CDK5RAP2: variants seen among roughly 807,000 people sequenced by gnomAD.
CDK5RAP2 encodes the protein CDK5 regulatory subunit-associated protein 2.
A neutral mutation model predicts 232.9 loss-of-function variants in CDK5RAP2; 147 were observed. The ratio of observed to expected loss-of-function variants is 0.63; its 90% CI spans 0.55 to 0.72. The LOEUF is 0.72. Ranked by LOEUF, CDK5RAP2 falls within the 30% of genes least tolerant of loss-of-function variation. The probability of loss-of-function intolerance (pLI) is 0.00; values close to 1 mark genes in which losing one functional copy is unlikely to be tolerated. For synonymous variants in CDK5RAP2, 833 were observed against 833.7 expected, an observed-to-expected ratio of 1.00 and a Z score of 0.01; for missense variants, 2,195 against 2,231.5, an observed-to-expected ratio of 0.98 and a Z score of 0.33.
At chr9:120,466,457 C>G (rs1245626216) in intron 18 of CDK5RAP2, among the ~76,000 whole-genome samples, 1 of 152,134 alleles carries the variant, frequency 6.6e-6, no homozygotes, top group East Asian at 1.9e-4. Context: ...ATAAAAGACT[C>G]AACAAATCTC....
At chr9:120,486,570 C>A (rs1247029298) in intron 14 of CDK5RAP2, among the ~76,000 whole-genome samples, 3 of 152,124 alleles carry the variant, frequency 2.0e-5, no homozygotes, top group African/African-American at 4.8e-5. Context: ...TTCCCTACCC[C>A]AGAAGTGCCT....
chr9:120,558,437 C>G (rs2042327440), intron 3 of CDK5RAP2, among the ~76,000 whole-genome samples: 1 of 150,012 alleles, frequency 6.7e-6, no homozygotes, highest in East Asian at 1.9e-4. Context: ...ACAAGAGCCC[C>G]CTTAGACTTC....
At chr9:120,564,447 GCCACT>G (rs1416252142) in intron 3 of CDK5RAP2, among the ~76,000 whole-genome samples, 1 of 144,088 alleles carries the variant, frequency 6.9e-6, no homozygotes, top group East Asian at 2.1e-4. Flanking sequence ...CCGAGATCGT[GCCACT>G]CCACTCCAGC....
chr9:120,510,554 C>T (rs549458469), intron 12 of CDK5RAP2, among the ~76,000 whole-genome samples: 1 of 152,274 alleles, frequency 6.6e-6, no homozygotes, highest in African/African-American at 2.4e-5. Flanking sequence ...TCACCAAACA[C>T]ACACATTCAT....
rs1197886998 is a variant in CDK5RAP2 at position 120,403,808 on chromosome 9, A to C, written c.5041+228T>G. Reference sequence around the variant, plus strand: ...CCTCACAAAGGTGGTCACAATTTTAATCTAAGGCAAGAGGGACCCAATGAT... The same window carrying C: ...CCTCACAAAGGTGGTCACAATTTTACTCTAAGGCAAGAGGGACCCAATGAT... On this transcript the variant is annotated intron_variant, in intron 33 of 37. Transcript: ENST00000349780. The surrounding 1 kb of genome is among the most constrained non-coding windows in gnomAD (Gnocchi z 4.2). The C allele has an allele frequency of 1.1e-5, 6 of 570,594 alleles. No homozygotes were observed. In the East Asian group the frequency reaches 1.8e-4, roughly 17 times the overall value. 35.3% of individuals were successfully genotyped at this position (570,594 alleles called of 1,614,324 possible).
Position 120,415,174 on chromosome 9 carries a change from C to A in CDK5RAP2, c.4178-15G>T. The A allele has an allele frequency of 6.2e-7, 1 of 1,613,514 alleles. No homozygotes were observed. The highest frequency in any genetic ancestry group is 1.7e-5 in the Admixed American group (1 of 60,014). On this transcript the variant is annotated splice_polypyrimidine_tract_variant and intron_variant, in intron 27 of 37. Coordinates refer to ENST00000349780, the MANE Select transcript of CDK5RAP2 (RefSeq NM_018249.6). ...CATTAGTAAGTCTACAGGAAGGAAGCCATTTTTAATTTAAAGTCTGAACCC... is the reference window on the plus strand; with the variant it reads ...CATTAGTAAGTCTACAGGAAGGAAGACATTTTTAATTTAAAGTCTGAACCC...
intron 1 of CDK5RAP2, among the ~76,000 whole-genome samples, chr9:120,579,074 G>A (rs900100152): frequency 3.9e-5 from 6 of 152,286 alleles, no homozygotes; most frequent in Non-Finnish European, 7.4e-5. Context: ...GAGCAGAGTT[G>A]CGCTCTGTTA....
intron 25 of CDK5RAP2, among the ~76,000 whole-genome samples, chr9:120,429,791 C>T (rs1426490563): frequency 2.6e-5 from 4 of 152,074 alleles, no homozygotes; most frequent in South Asian, 2.1e-4. Flanking sequence ...AAAAAGAGCC[C>T]GCATCGCCAA....
rs1253936878 is a variant in CDK5RAP2, at chr9:120,507,924, AAAAAAAAAAAAAAAAAAAATATATATAT to A, written c.1311+10475_1311+10502del. Among the ~76,000 whole-genome samples, 579 of 67,514 alleles carry A rather than the reference AAAAAAAAAAAAAAAAAAAATATATATAT, an allele frequency of 8.6e-3. 7 individuals are homozygous for A. The highest frequency in any genetic ancestry group is 0.026 in the African/African-American group (560 of 21,860). 44.3% of individuals were successfully genotyped at this position (67,514 alleles called of 152,430 possible). On this transcript the variant is annotated intron_variant, in intron 12 of 37. Transcript: ENST00000349780. ...GACTGGCTGATTAAAAAAAAAAAAA[AAAAAAAAAAAAAAAAAAAATATATATAT>A]ATATATATATATATATAGTGGATTG...
Position 120,434,813 on chromosome 9 carries a change from G to C in CDK5RAP2, c.3955+2482C>G, listed in dbSNP as rs1588323487. Among the ~76,000 whole-genome samples, 2 of 152,320 alleles carry C rather than the reference G, an allele frequency of 1.3e-5. 1 individual carries two copies. The highest frequency in any genetic ancestry group is 4.1e-4 in the South Asian group (2 of 4,832). ...GACTGAAAACTGATCCTTGGATTTG[G>C]CAAAGTGGAAGTTGTTAGTGTCAGG... On this transcript the variant is annotated intron_variant, in intron 25 of 37. Transcript: ENST00000349780.
chr9:120,529,571 T>A (rs1446611954), intron 8 of CDK5RAP2, among the ~76,000 whole-genome samples: 2 of 152,194 alleles, frequency 1.3e-5, no homozygotes, highest in Non-Finnish European at 2.9e-5. Flanking sequence ...TACGAGTTAG[T>A]CCTCTTCCCA....
At chr9:120,472,341 C>T (rs902445950) in intron 15 of CDK5RAP2, among the ~76,000 whole-genome samples, 3 of 152,136 alleles carry the variant, frequency 2.0e-5, no homozygotes, top group Admixed American at 6.6e-5. Context: ...GTGAAAATAA[C>T]GTAATTCTCC....
At chr9:120,516,186 A>AT (rs1360191395) in intron 12 of CDK5RAP2, among the ~76,000 whole-genome samples, 2 of 152,188 alleles carry the variant, frequency 1.3e-5, no homozygotes, top group Admixed American at 1.3e-4. Context: ...CTATGCAGCC[A>AT]TAAAAAAGGA....
intron 2 of CDK5RAP2, among the ~76,000 whole-genome samples, chr9:120,569,623 A>G (rs909503385): frequency 5.3e-5 from 8 of 152,318 alleles, no homozygotes; most frequent in Admixed American, 5.2e-4. Flanking sequence ...CAATAAACAA[A>G]GGGGGATAGC....
chr9:120,491,094 T>C (rs1354371484), intron 13 of CDK5RAP2, among the ~76,000 whole-genome samples: 1 of 152,244 alleles, frequency 6.6e-6, no homozygotes, highest in East Asian at 1.9e-4. Context: ...AGTCGTCATA[T>C]GACCCAGGAT....
intron 12 of CDK5RAP2, 121 bp from the exon 13 acceptor site, chr9:120,491,598 C>A: frequency 3.0e-6 from 2 of 658,558 alleles, no homozygotes; most frequent in East Asian, 2.7e-5. Flanking sequence ...AGGGAGTATA[C>A]AAGTGTATAT....
At chr9:120,554,362 A>T (rs1353805277) in intron 3 of CDK5RAP2, among the ~76,000 whole-genome samples, 1 of 152,220 alleles carries the variant, frequency 6.6e-6, no homozygotes, top group Non-Finnish European at 1.5e-5. Context: ...GTGTCTGTCC[A>T]CATTATAGTT....
In CDK5RAP2 at chr9:120,507,447, T is replaced by G. The variant is rs563065258; in HGVS notation, c.1311+10980A>C. On this transcript the variant is annotated intron_variant, in intron 12 of 37. Transcript: ENST00000349780. ...TTTGAAACCAGGTCTACCTGCATTC[T>G]TTTTACTCTACCAGTGGTTTTACAA... Among the ~76,000 whole-genome samples, 33 of 152,256 alleles carry G rather than the reference T, an allele frequency of 2.2e-4. 1 individual carries two copies. Among genetic ancestry groups the G allele is most frequent in the African/African-American group, 7.2e-4 (30 of 41,554 alleles).
At chr9:120,393,171 C>A (rs1386747700) in intron 36 of CDK5RAP2, among the ~76,000 whole-genome samples, 1 of 152,108 alleles carries the variant, frequency 6.6e-6, no homozygotes, top group African/African-American at 2.4e-5. Flanking sequence ...AAGACCCAGT[C>A]AGTCTTGAAC....
Sources: gnomAD v4.1 joint callset for allele counts (sites outside exome capture counted in the v4.1 genomes callset) on GRCh38, gnomAD v4.1.1 for gene constraint, Gnocchi (gnomAD v3.1) non-coding constraint, MANE v1.5 for transcripts, NCBI Gene and HGNC (gene_info 2026-07-23, HGNC 2026-07-21) for gene names.